The following OSBPL6 variants were observed in gnomAD, a reference collection of about 807,000 sequenced individuals.
The protein encoded by OSBPL6 is oxysterol-binding protein-related protein 6.
OSBPL6 carries 49 observed loss-of-function variants against 125.8 expected under a neutral mutation model. The ratio of observed to expected loss-of-function variants is 0.39; its 90% confidence interval spans 0.31 to 0.49. The LOEUF is 0.49. Among genes scored for constraint, OSBPL6 ranks in the 20% least tolerant of loss-of-function variants. OSBPL6 has a pLI of 0.88. For synonymous variants in OSBPL6, 394 were observed against 391.8 expected (o/e 1.01, Z -0.07); for missense variants, 986 against 1,135.4 (o/e 0.87, Z 1.89).
chr2:178,345,562 T>G (rs574017564), intron 11 of OSBPL6, among the ~76,000 whole-genome samples: 1 of 152,374 alleles, frequency 6.6e-6, no homozygotes, highest in South Asian at 2.1e-4. Context: ...GTATATCTTA[T>G]GCATGTATTC....
In OSBPL6 at chr2:178,392,516, G is replaced by A. The variant is rs750401056; in HGVS notation, c.2551G>A (p.Ala851Thr). The change falls in exon 23 of 25, where the codon GCC becomes ACC. Residue 851 changes from alanine (A) to threonine (T), a missense_variant. This residue lies in a region of OSBPL6 where 843 missense variants were observed against 997.3 expected (regional missense o/e 0.85). Transcript: ENST00000190611. ...VLKDLLPPTDARFRPDQRFLE... is the reference protein window; with the variant it reads ...VLKDLLPPTDTRFRPDQRFLE... ...AAAAGATCTCCTTCCACCAACAGAC[G>A]CCCGGTTCCGGCCAGATCAAAGGTG... 12 of 1,613,816 alleles carry A rather than the reference G, an allele frequency of 7.4e-6. No individual in the cohort carries two copies. Among genetic ancestry groups the A allele is most frequent in the Admixed American group, 1.7e-5 (1 of 59,950 alleles).
rs577740708 is a variant in OSBPL6 at position 178,231,643 on chromosome 2, T to A, written c.-351+36969T>A. On this transcript the variant is annotated intron_variant, in intron 1 of 24. Transcript: ENST00000190611. ...ACCACCACCAGGGTGGTCCCATTTTTTTTTTTTTTTTTTTTTTTTTTGAGA... is the reference window on the plus strand; with the variant it reads ...ACCACCACCAGGGTGGTCCCATTTTATTTTTTTTTTTTTTTTTTTTTGAGA... Among the ~76,000 whole-genome samples, 127 of 138,504 alleles carry A rather than the reference T, an allele frequency of 9.2e-4. 2 individuals are homozygous for A. The highest frequency in any genetic ancestry group is 3.4e-3 in the African/African-American group (125 of 36,442). 90.9% of individuals were successfully genotyped at this position (138,504 alleles called of 152,430 possible).
intron 3 of OSBPL6, among the ~76,000 whole-genome samples, chr2:178,307,463 T>C (rs1391544124): frequency 2.0e-5 from 3 of 152,160 alleles, no homozygotes; most frequent in Admixed American, 6.5e-5. Flanking sequence ...CTGGTGTCTT[T>C]TGTTATTGAG....
At chr2:178,198,138 C>A (rs2089014257) in intron 1 of OSBPL6, among the ~76,000 whole-genome samples, 1 of 152,148 alleles carries the variant, frequency 6.6e-6, no homozygotes, top group South Asian at 2.1e-4. Flanking sequence ...AGATCCAAGG[C>A]TCCTCGTTAG....
intron 1 of OSBPL6, among the ~76,000 whole-genome samples, chr2:178,196,534 T>C (rs1385639726): frequency 6.6e-6 from 1 of 152,158 alleles, no homozygotes; most frequent in African/African-American, 2.4e-5. Flanking sequence ...TGGACTTTTA[T>C]AGGATCACAT....
chr2:178,371,367 T>C (rs1012264962), intron 13 of OSBPL6, among the ~76,000 whole-genome samples: 1 of 152,216 alleles, frequency 6.6e-6, no homozygotes, highest in Non-Finnish European at 1.5e-5. Flanking sequence ...TGTTCTCTTC[T>C]TGTAATAAAT....
intron 5 of OSBPL6, among the ~76,000 whole-genome samples, chr2:178,330,165 C>T (rs1689074381): frequency 6.6e-6 from 1 of 152,106 alleles, no homozygotes; most frequent in African/African-American, 2.4e-5. Context: ...AATCTCTTTC[C>T]TTATGATATG....
Position 178,392,464 on chromosome 2 carries a change from T to G in OSBPL6, c.2499T>G (p.Ile833Met), listed in dbSNP as rs191413053. The change falls in exon 23 of 25, where the codon ATT (isoleucine) becomes ATG (methionine). Residue 833 changes from isoleucine (I) to methionine (M), a missense_variant. Coordinates refer to ENST00000190611, the MANE Select transcript of OSBPL6 (RefSeq NM_032523.4). Reference protein sequence around the residue: ...ELYYGFTRFAIELNELDPVLK... With the variant: ...ELYYGFTRFAMELNELDPVLK... ...ACTATGGCTTCACAAGGTTTGCTATTGAGCTCAATGAGTTAGATCCAGTAC... is the reference window on the plus strand; with the variant it reads ...ACTATGGCTTCACAAGGTTTGCTATGGAGCTCAATGAGTTAGATCCAGTAC... The G allele has an allele frequency of 6.2e-7, 1 of 1,614,138 alleles. No individual in the cohort carries two copies. Among genetic ancestry groups the G allele is most frequent in the East Asian group, 2.2e-5 (1 of 44,880 alleles).
intron 1 of OSBPL6, among the ~76,000 whole-genome samples, chr2:178,220,887 C>T (rs2090309959): frequency 6.6e-6 from 1 of 152,120 alleles, no homozygotes; most frequent in Non-Finnish European, 1.5e-5. Context: ...TGAGATGCTG[C>T]ATGGAAATAT....
In OSBPL6 at chr2:178,336,369, A is replaced by C. The variant is rs761101902; in HGVS notation, c.726A>C (p.Thr242=). 1.2e-5 allele frequency: 19 copies of C among 1,614,016 alleles called. No homozygotes were observed. Among genetic ancestry groups the C allele is most frequent in the Non-Finnish European group, 1.7e-6 (2 of 1,180,024 alleles). Residue 242 remains threonine (T), a synonymous_variant, in exon 9 of 25, where the codon ACA becomes ACC. Coordinates refer to ENST00000190611, the MANE Select transcript of OSBPL6 (RefSeq NM_032523.4). ...PCSNSLPATC[T]TGQSKVAAWL... ...GCAATAGCCTCCCTGCAACGTGCACAACTGGCCAGAGTAAAGTGGCAGCCT... is the reference window on the plus strand; with the variant it reads ...GCAATAGCCTCCCTGCAACGTGCACCACTGGCCAGAGTAAAGTGGCAGCCT...
chr2:178,373,784 A>C, intron 14 of OSBPL6, 106 bp from the exon 15 acceptor site: 1 of 1,399,802 alleles, frequency 7.1e-7, no homozygotes. Context: ...TGTGGCTGCC[A>C]CTTTTTAACA....
chr2:178,311,908 A>G (rs1450484069), intron 3 of OSBPL6, among the ~76,000 whole-genome samples: 15 of 152,242 alleles, frequency 9.9e-5, no homozygotes, highest in Admixed American at 9.8e-4. Flanking sequence ...ATTCTTCTGC[A>G]CAGGTGTTAA....
chr2:178,222,212 T>C (rs2090369004), intron 1 of OSBPL6, among the ~76,000 whole-genome samples: 1 of 152,216 alleles, frequency 6.6e-6, no homozygotes, highest in Non-Finnish European at 1.5e-5. Flanking sequence ...ATGCTGGTGA[T>C]GTAATTTTAA....
intron 1 of OSBPL6, among the ~76,000 whole-genome samples, chr2:178,249,644 C>G (rs575097308): frequency 5.9e-5 from 9 of 152,244 alleles, no homozygotes; most frequent in Non-Finnish European, 8.8e-5. Context: ...TTAAGGTACT[C>G]TCTATGTAGG....
intron 21 of OSBPL6, among the ~76,000 whole-genome samples, chr2:178,390,131 G>A (rs1446549707): frequency 6.6e-6 from 1 of 152,172 alleles, no homozygotes; most frequent in East Asian, 1.9e-4. Flanking sequence ...TGCAGAGCCT[G>A]TATAATTAAC....
At chr2:178,202,652 T>A (rs1437507686) in intron 1 of OSBPL6, among the ~76,000 whole-genome samples, 1 of 152,012 alleles carries the variant, frequency 6.6e-6, no homozygotes, top group Non-Finnish European at 1.5e-5. Context: ...TGAAACCCTG[T>A]CTCTACTAAA....
intron 3 of OSBPL6, among the ~76,000 whole-genome samples, chr2:178,309,808 A>C (rs1687102009): frequency 6.6e-6 from 1 of 152,204 alleles, no homozygotes; most frequent in Non-Finnish European, 1.5e-5. Context: ...AAAACATTCC[A>C]AGAGGGAGCA....
intron 9 of OSBPL6, among the ~76,000 whole-genome samples, chr2:178,337,526 C>T (rs908085419): frequency 6.6e-6 from 1 of 152,144 alleles, no homozygotes; most frequent in Admixed American, 6.5e-5. Context: ...TAGCATGGCC[C>T]AGGTGAAGGC....
At chr2:178,281,507 C>T (rs1380266054) in intron 1 of OSBPL6, among the ~76,000 whole-genome samples, 2 of 152,264 alleles carry the variant, frequency 1.3e-5, no homozygotes, top group South Asian at 4.1e-4. Flanking sequence ...GTTCTCCCAG[C>T]ATCATTTATT....
Sources: allele counts gnomAD v4.1 joint callset (sites outside exome capture counted in the v4.1 genomes callset), GRCh38; gene constraint gnomAD v4.1.1; regional missense constraint gnomAD v4.1.1; transcripts MANE v1.5; gene names NCBI Gene and HGNC (gene_info 2026-07-23, HGNC 2026-07-21).